LDLRAD3: variants seen among roughly 807,000 people sequenced by gnomAD.
LDLRAD3 encodes the protein low density lipoprotein receptor class A domain containing 3.
In LDLRAD3, 20 loss-of-function variants were observed where a neutral mutation model predicts 29.4. That is an observed-to-expected ratio of 0.68 (90% confidence interval 0.48 to 0.99). LDLRAD3 has a LOEUF of 0.99. Ranked by LOEUF, LDLRAD3 falls within the 50% of genes least tolerant of loss-of-function variation. The pLI, the probability that LDLRAD3 is intolerant of heterozygous loss-of-function variation, is 0.00. For missense variants in LDLRAD3, 420 were observed against 454.3 expected, an observed-to-expected ratio of 0.92 and a Z score of 0.69; for synonymous variants, 157 against 192.7, an observed-to-expected ratio of 0.81 and a Z score of 1.53.
intron 4 of LDLRAD3, among the ~76,000 whole-genome samples, chr11:36,169,770 TC>T: frequency 6.6e-6 from 1 of 152,338 alleles, no homozygotes; most frequent in Non-Finnish European, 1.5e-5. Flanking sequence ...AGTGCAGGCA[TC>T]TTTTCGGTAT....
intron 1 of LDLRAD3, among the ~76,000 whole-genome samples, chr11:35,984,481 C>T (rs1377410012): frequency 1.3e-5 from 2 of 152,174 alleles, no homozygotes; most frequent in East Asian, 1.9e-4. Context: ...GAAATCTTTA[C>T]ATCAAAGCTA....
Position 36,178,338 on chromosome 11 carries a change from G to A in LDLRAD3, c.455-48747G>A, listed in dbSNP as rs531797553. On this transcript the variant is annotated intron_variant, in intron 4 of 5. Coordinates refer to ENST00000315571, the MANE Select transcript of LDLRAD3 (RefSeq NM_174902.4). ...GTTTCCCACTGTTCCCCTCCCCGCC[G>A]CCAGCCCAACTGCTGAGGGTTCTCT... Among the ~76,000 whole-genome samples, 26 of 152,164 alleles carry A rather than the reference G, an allele frequency of 1.7e-4. 1 individual carries two copies. The South Asian group carries it at 4.6e-3, about 27-fold the overall frequency.
intron 1 of LDLRAD3, among the ~76,000 whole-genome samples, chr11:36,004,913 TGG>T (rs778404303): frequency 2.6e-5 from 4 of 152,188 alleles, no homozygotes; most frequent in Non-Finnish European, 5.9e-5. Flanking sequence ...TAGCTGGAGC[TGG>T]AGTGGCTAGG....
chr11:36,104,396 T>G (rs1853496192), intron 4 of LDLRAD3, among the ~76,000 whole-genome samples: 2 of 152,176 alleles, frequency 1.3e-5, no homozygotes. Context: ...AGATCATAAA[T>G]GTTTGTTTGT....
chr11:36,140,875 T>C (rs1388359730), intron 4 of LDLRAD3, among the ~76,000 whole-genome samples: 1 of 152,112 alleles, frequency 6.6e-6, no homozygotes, highest in East Asian at 1.9e-4. Context: ...GGCAATGCAA[T>C]TGAAGTAGAT....
At chr11:36,058,094 C>T (rs972604182) in intron 2 of LDLRAD3, among the ~76,000 whole-genome samples, 1 of 152,230 alleles carries the variant, frequency 6.6e-6, no homozygotes, top group Admixed American at 6.5e-5. Flanking sequence ...CAACAACCCT[C>T]CAGTGGCTCC....
chr11:35,968,711 C>G (rs1200468306), intron 1 of LDLRAD3: 1 of 159,408 alleles, frequency 6.3e-6, no homozygotes, highest in Non-Finnish European at 1.4e-5. Context: ...ATGTTTAATG[C>G]CTCAGTTTTT....
At chr11:36,026,142 AT>A (rs767464703) in intron 1 of LDLRAD3, among the ~76,000 whole-genome samples, 5 of 152,114 alleles carry the variant, frequency 3.3e-5, no homozygotes, top group East Asian at 3.9e-4. Context: ...TTAAAATAGT[AT>A]TTTTTAAACA....
intron 4 of LDLRAD3, chr11:36,197,447 G>A (rs975863713): frequency 1.3e-5 from 2 of 152,242 alleles, no homozygotes; most frequent in Non-Finnish European, 2.9e-5. Context: ...ACTGTGTGAG[G>A]TTGTGCTGGG....
chr11:35,979,182 C>G (rs1322413708), intron 1 of LDLRAD3, among the ~76,000 whole-genome samples: 1 of 152,150 alleles, frequency 6.6e-6, no homozygotes. Flanking sequence ...TGGTGGGCAC[C>G]AGGAAACAGG....
chr11:35,976,292 C>A (rs1359590698), intron 1 of LDLRAD3, among the ~76,000 whole-genome samples: 1 of 152,026 alleles, frequency 6.6e-6, no homozygotes, highest in African/African-American at 2.4e-5. Flanking sequence ...ATAATTAAGA[C>A]AGGCATAGTT....
At chr11:36,073,818 C>T (rs1443198186) in intron 2 of LDLRAD3, among the ~76,000 whole-genome samples, 1 of 152,238 alleles carries the variant, frequency 6.6e-6, no homozygotes, top group Non-Finnish European at 1.5e-5. Flanking sequence ...TTCATATTTT[C>T]ACTCTTTTCT....
chr11:36,055,543 G>T (rs1240274788), intron 2 of LDLRAD3, among the ~76,000 whole-genome samples: 1 of 152,216 alleles, frequency 6.6e-6, no homozygotes, highest in Non-Finnish European at 1.5e-5. Flanking sequence ...CACTCCCACT[G>T]CTTAGCACAG....
intron 1 of LDLRAD3, among the ~76,000 whole-genome samples, chr11:35,980,462 C>T (rs1851526673): frequency 1.3e-5 from 2 of 152,134 alleles, no homozygotes; most frequent in East Asian, 1.9e-4. Context: ...AATTCTAGTT[C>T]ATTTAGCTCC....
intron 1 of LDLRAD3, among the ~76,000 whole-genome samples, chr11:36,007,781 C>T (rs185477936): frequency 2.8e-4 from 43 of 152,242 alleles, no homozygotes; most frequent in African/African-American, 1.0e-3. Context: ...TAGTACAGTC[C>T]TCGTAAATTT....
At position 36,128,206 on chromosome 11, in the gene LDLRAD3, GT is replaced by G. The variant is rs537232191; in HGVS notation, c.454+29746del. Among the ~76,000 whole-genome samples, 885 of 149,798 alleles carry G rather than the reference GT, an allele frequency of 5.9e-3. 10 individuals carry two copies. Among genetic ancestry groups the G allele is most frequent in the African/African-American group, 0.02 (806 of 40,974 alleles). On this transcript the variant is annotated intron_variant, in intron 4 of 5. Transcript: ENST00000315571. ...TGAAGAATTAATTCCCTGTTTGTTTGTAATACTGTGTGTAGGCAAACAATTA... is the reference window on the plus strand; with the variant it reads ...TGAAGAATTAATTCCCTGTTTGTTTGAATACTGTGTGTAGGCAAACAATTA...
chr11:36,122,512 A>T (rs765572686), intron 4 of LDLRAD3, among the ~76,000 whole-genome samples: 1 of 152,186 alleles, frequency 6.6e-6, no homozygotes, highest in Non-Finnish European at 1.5e-5. Flanking sequence ...AGGACTCCAT[A>T]AATAGACACT....
intron 4 of LDLRAD3, among the ~76,000 whole-genome samples, chr11:36,199,456 A>G (rs1307505465): frequency 6.6e-6 from 1 of 152,146 alleles, no homozygotes; most frequent in African/African-American, 2.4e-5. Context: ...TCTCCTCCTC[A>G]TCTACTCAAT....
At chr11:36,175,966 G>A (rs1854670258) in intron 4 of LDLRAD3, among the ~76,000 whole-genome samples, 1 of 152,114 alleles carries the variant, frequency 6.6e-6, no homozygotes, top group Non-Finnish European at 1.5e-5. Context: ...AGAGGTAATT[G>A]TTTTACAAAC....
Sources: allele counts gnomAD v4.1 joint callset (sites outside exome capture counted in the v4.1 genomes callset), GRCh38; gene constraint gnomAD v4.1.1; transcripts MANE v1.5; gene names NCBI Gene and HGNC (gene_info 2026-07-23, HGNC 2026-07-21).